Variants in PCDHGB2 observed in about 807,000 individuals in gnomAD.
PCDHGB2 encodes protocadherin gamma subfamily B, 2, also known as protocadherin gamma-B2.
A neutral mutation model predicts 59.3 loss-of-function variants in PCDHGB2; 55 were observed. The observed-to-expected ratio is 0.93, with a 90% CI of 0.75 to 1.16. PCDHGB2 has a LOEUF of 1.16. Among genes scored for constraint, PCDHGB2 ranks in the 50% most tolerant of loss-of-function variants. The pLI is 0.00. For missense variants in PCDHGB2, 1,228 were observed against 1,198.5 expected (o/e 1.02, Z -0.36); for synonymous variants, 516 against 512.0 (o/e 1.01, Z -0.11).
chr5:141,413,166 C>A (rs758193163), intron 1 of PCDHGB2: 3 of 1,590,396 alleles, frequency 1.9e-6, no homozygotes, highest in South Asian at 2.3e-5. Flanking sequence ...AATTCTGTAA[C>A]CAGACTACAA....
At position 141,477,577 on chromosome 5, in the gene PCDHGB2, G is replaced by T; in HGVS notation, c.2422-17230G>T. Reference sequence around the variant, plus strand: ...TAAGTGTCTGGGACCCCGACGCCCCGCAGAATGCTCGGCTTTCTTTCTTTC... The same window carrying T: ...TAAGTGTCTGGGACCCCGACGCCCCTCAGAATGCTCGGCTTTCTTTCTTTC... On this transcript the variant is annotated intron_variant, in intron 1 of 3. Transcript: ENST00000522605. The surrounding 1 kb of genome is among the most constrained non-coding windows in gnomAD (Gnocchi z 4.9). 1.2e-6 allele frequency: 2 copies of T among 1,614,124 alleles called. No homozygotes were observed. Among genetic ancestry groups the T allele is most frequent in the Non-Finnish European group, 1.7e-6 (2 of 1,180,020 alleles).
Position 141,487,176 on chromosome 5 carries a change from A to G in PCDHGB2, c.2422-7631A>G. On this transcript the variant is annotated intron_variant, in intron 1 of 3. Coordinates refer to ENST00000522605, the MANE Select transcript of PCDHGB2 (RefSeq NM_018923.3). The surrounding 1 kb of genome is among the most constrained non-coding windows in gnomAD (Gnocchi z 5.0). ...ACTCTCTTAGTGTCCTTAGAGGAAGACACTCATCCAGTTGTCCCAGATCTT... is the reference window on the plus strand; with the variant it reads ...ACTCTCTTAGTGTCCTTAGAGGAAGGCACTCATCCAGTTGTCCCAGATCTT... 1 of 1,613,774 alleles carries G rather than the reference A, an allele frequency of 6.2e-7. No homozygotes were observed. The highest frequency in any genetic ancestry group is 8.5e-7 in the Non-Finnish European group (1 of 1,179,664).
rs762414791 is a variant in PCDHGB2 at position 141,418,601 on chromosome 5, A to G, written c.2421+56045A>G. The G allele has an allele frequency of 3.5e-5, 57 of 1,613,930 alleles. No individual in the cohort carries two copies. The highest frequency in any genetic ancestry group is 1.7e-6 in the Non-Finnish European group (2 of 1,179,902). On this transcript the variant is annotated intron_variant, in intron 1 of 3. Coordinates refer to ENST00000522605, the MANE Select transcript of PCDHGB2 (RefSeq NM_018923.3). ...CCCAGTGTTCAGCCAGGACGTGTAC[A>G]GGGTTAGCCTTCGGGAAGACGTGCC...
chr5:141,375,724 A>T (rs1771805917), intron 1 of PCDHGB2: 1 of 1,614,144 alleles, frequency 6.2e-7, no homozygotes, highest in Non-Finnish European at 8.5e-7. Flanking sequence ...GCAACGTGTC[A>T]CTGAGCCTGT....
At chr5:141,470,736 C>A (rs541510544) in intron 1 of PCDHGB2, among the ~76,000 whole-genome samples, 1 of 152,092 alleles carries the variant, frequency 6.6e-6, no homozygotes, top group Non-Finnish European at 1.5e-5. Context: ...CTTGCTCTGT[C>A]GCCCTGGCTG....
At position 141,480,524 on chromosome 5, in the gene PCDHGB2, AAAG is replaced by A. The variant is rs1342230573; in HGVS notation, c.2422-14282_2422-14280del. Among the ~76,000 whole-genome samples, 4 of 127,792 alleles carry A rather than the reference AAAG, an allele frequency of 3.1e-5. No homozygotes were observed. The East Asian group carries it at 7.7e-4, about 25-fold the overall frequency. 83.8% of individuals were successfully genotyped at this position (127,792 alleles called of 152,430 possible). On this transcript the variant is annotated intron_variant, in intron 1 of 3. Transcript: ENST00000522605. Reference sequence around the variant, plus strand: ...ACATATGAGAACAACCAAAAATGACAAAGTAGAAGCACATATGAAAAGGCTAAG... The same window carrying A: ...ACATATGAGAACAACCAAAAATGACATAGAAGCACATATGAAAAGGCTAAG...
Position 141,364,550 on chromosome 5 carries a change from C to A in PCDHGB2, c.2421+1994C>A, listed in dbSNP as rs1257524038. On this transcript the variant is annotated intron_variant, in intron 1 of 3. Coordinates refer to ENST00000522605, the MANE Select transcript of PCDHGB2 (RefSeq NM_018923.3). ...CATCGTCTCCAGAGGTAGGACGCAG[C>A]TTTTTGCCCTGAACCCGCGAAGCGG... The A allele has an allele frequency of 3.1e-6, 5 of 1,613,922 alleles. No homozygotes were observed. The Admixed American group carries it at 5.0e-5, about 16-fold the overall frequency.
At chr5:141,433,699 T>C (rs2097645911) in intron 1 of PCDHGB2, among the ~76,000 whole-genome samples, 1 of 152,082 alleles carries the variant, frequency 6.6e-6, no homozygotes, top group Non-Finnish European at 1.5e-5. Flanking sequence ...TAGCCGGGCG[T>C]GGTGGTGCAT....
intron 1 of PCDHGB2, chr5:141,389,862 C>CGTGG (rs2091951757): frequency 6.2e-7 from 1 of 1,613,964 alleles, no homozygotes; most frequent in Non-Finnish European, 8.5e-7. Flanking sequence ...CACGTTGCAC[C>CGTGG]TGGTCTTCGC....
At chr5:141,413,333 C>T in intron 1 of PCDHGB2, 1 of 1,613,966 alleles carries the variant, frequency 6.2e-7, no homozygotes, top group Non-Finnish European at 8.5e-7. Context: ...GGCAACATCT[C>T]CAAGGACTTG....
At chr5:141,370,770 A>G (rs1479523551) in intron 1 of PCDHGB2, 1 of 1,614,024 alleles carries the variant, frequency 6.2e-7, no homozygotes, top group South Asian at 1.1e-5. Context: ...GATCCAGGAT[A>G]TTAACGACAA....
chr5:141,399,561 GT>G, intron 1 of PCDHGB2: 1 of 1,614,042 alleles, frequency 6.2e-7, no homozygotes, highest in Non-Finnish European at 8.5e-7. Context: ...TGGACTTGGG[GT>G]TGAACGGCCA....
At chr5:141,482,513 A>C (rs552094845) in intron 1 of PCDHGB2, among the ~76,000 whole-genome samples, 1 of 143,798 alleles carries the variant, frequency 7.0e-6, no homozygotes, top group East Asian at 2.1e-4. Flanking sequence ...CCCAGAGTAC[A>C]GTATGAGACA....
At chr5:141,411,880 A>G (rs1030232942) in intron 1 of PCDHGB2, 2 of 152,240 alleles carry the variant, frequency 1.3e-5, no homozygotes, top group African/African-American at 4.8e-5. Flanking sequence ...GACATTTCTA[A>G]GAAATAAATG....
At chr5:141,447,837 G>A (rs952923627) in intron 1 of PCDHGB2, among the ~76,000 whole-genome samples, 10 of 152,170 alleles carry the variant, frequency 6.6e-5, no homozygotes, top group African/African-American at 2.4e-4. Flanking sequence ...TGTAATCCCA[G>A]TGCTTTGGGA....
intron 1 of PCDHGB2, chr5:141,409,789 G>C (rs1390138666): frequency 1.2e-6 from 2 of 1,611,918 alleles, no homozygotes; most frequent in African/African-American, 2.7e-5. Context: ...GCGCCTTCGC[G>C]CTCACGCTGC....
At chr5:141,408,342 TG>T in intron 1 of PCDHGB2, 1 of 1,613,856 alleles carries the variant, frequency 6.2e-7, no homozygotes, top group Non-Finnish European at 8.5e-7. Context: ...GGCTCGGTGG[TG>T]GGGAACCTCG....
At chr5:141,380,706 T>C (rs1203086162) in intron 1 of PCDHGB2, among the ~76,000 whole-genome samples, 1 of 152,260 alleles carries the variant, frequency 6.6e-6, no homozygotes, top group Non-Finnish European at 1.5e-5. Context: ...GTCTATAATT[T>C]AATTTAACTA....
chr5:141,365,163 C>T (rs1383856831), intron 1 of PCDHGB2: 1 of 1,613,918 alleles, frequency 6.2e-7, no homozygotes, highest in South Asian at 1.1e-5. Flanking sequence ...GGGAAATTGA[C>T]CTACTCTTTT....
Sources: allele counts gnomAD v4.1 joint callset (sites outside exome capture counted in the v4.1 genomes callset), GRCh38; gene constraint gnomAD v4.1.1; non-coding constraint Gnocchi (gnomAD v3.1); transcripts MANE v1.5; gene names NCBI Gene and HGNC (gene_info 2026-07-23, HGNC 2026-07-21).